CTDSPL2: variants seen among roughly 807,000 people sequenced by gnomAD.
CTDSPL2 encodes CTD small phosphatase like 2, also known as CTD small phosphatase-like protein 2.
A neutral mutation model predicts 60.0 loss-of-function variants in CTDSPL2; 5 were observed. That is an observed-to-expected ratio of 0.08 (90% CI 0.04 to 0.18). The LOEUF (loss-of-function observed/expected upper bound fraction) is 0.18, where lower values mean the gene tolerates loss of function less well. CTDSPL2 is among the 10% of genes least tolerant of loss of function. CTDSPL2 has a pLI of 1.00. For synonymous variants in CTDSPL2, 186 were observed against 189.3 expected, an observed-to-expected ratio of 0.98 and a Z score of 0.14; for missense variants, 370 against 548.8, an observed-to-expected ratio of 0.67 and a Z score of 3.26.
At chr15:44,471,156 G>C (rs1025636914) in intron 2 of CTDSPL2, among the ~76,000 whole-genome samples, 1 of 152,002 alleles carries the variant, frequency 6.6e-6, no homozygotes, top group Admixed American at 6.6e-5. Context: ...TTTCTTCCGC[G>C]TTACCACATG....
At chr15:44,486,153 G>A (rs2081114866) in intron 3 of CTDSPL2, among the ~76,000 whole-genome samples, 2 of 152,148 alleles carry the variant, frequency 1.3e-5, no homozygotes, top group African/African-American at 2.4e-5. Context: ...GCAGATGTGA[G>A]GGAAGGTTTT....
intron 2 of CTDSPL2, among the ~76,000 whole-genome samples, chr15:44,459,543 A>G (rs2080520957): frequency 1.3e-5 from 2 of 152,148 alleles, no homozygotes; most frequent in Non-Finnish European, 2.9e-5. Context: ...AATAGTGACA[A>G]TTATGATATT....
intron 1 of CTDSPL2, among the ~76,000 whole-genome samples, chr15:44,443,964 G>GCTC: frequency 6.6e-6 from 1 of 152,178 alleles, no homozygotes; most frequent in South Asian, 2.1e-4. Context: ...GTGTAGTGGT[G>GCTC]CACTTGTAGC....
chr15:44,489,137 C>G (rs1434906976), intron 4 of CTDSPL2, among the ~76,000 whole-genome samples: 2 of 150,052 alleles, frequency 1.3e-5, no homozygotes, highest in South Asian at 2.2e-4. Context: ...CTCTTCCCCC[C>G]TCCCCCCCAC....
intron 4 of CTDSPL2, among the ~76,000 whole-genome samples, chr15:44,488,958 T>G (rs777919298): frequency 3.4e-4 from 52 of 152,110 alleles, no homozygotes; most frequent in Non-Finnish European, 7.4e-5. Flanking sequence ...GAGTTGAAGT[T>G]TGATAGAGTT....
At chr15:44,489,355 G>A (rs1428010824) in intron 4 of CTDSPL2, among the ~76,000 whole-genome samples, 1 of 152,160 alleles carries the variant, frequency 6.6e-6, no homozygotes, top group Admixed American at 6.5e-5. Flanking sequence ...CAGTTTGACA[G>A]TGTATTTAAG....
At position 44,527,399 on chromosome 15, in the gene CTDSPL2, G is replaced by T. The variant is rs964569639; in HGVS notation, c.*3225G>T. 1.3e-5 allele frequency: 2 copies of T among 151,240 alleles called. No individual in the cohort carries two copies. The highest frequency in any genetic ancestry group is 3.0e-5 in the Non-Finnish European group (2 of 67,770). 9.4% of individuals were successfully genotyped at this position (151,240 alleles called of 1,614,324 possible). ...AAAGAAGTTCGTTTCTCATTGTTTTGTTCTGTCAACTTGCCTGAAAAACAG... is the reference window on the plus strand; with the variant it reads ...AAAGAAGTTCGTTTCTCATTGTTTTTTTCTGTCAACTTGCCTGAAAAACAG... On this transcript the variant is annotated 3_prime_UTR_variant, in exon 13 of 13. Coordinates refer to ENST00000260327, the MANE Select transcript of CTDSPL2 (RefSeq NM_016396.3).
At chr15:44,488,464 T>C (rs889297120) in intron 4 of CTDSPL2, among the ~76,000 whole-genome samples, 59 of 152,290 alleles carry the variant, frequency 3.9e-4, no homozygotes, top group African/African-American at 1.3e-3. Context: ...GGGAGATAGA[T>C]AATTGAGTGT....
Position 44,499,908 on chromosome 15 carries a change from G to A in CTDSPL2, c.969+95G>A, listed in dbSNP as rs1595762834. ...TTTTTGTGTGTATGTGACATTAAAT[G>A]TGTTTTTCTGTAGAAGTATAATGGA... is the stretch of plus-strand genomic sequence containing the variant. On this transcript the variant is annotated intron_variant, in intron 8 of 12. Transcript: ENST00000260327. The A allele has an allele frequency of 8.5e-5, 57 of 673,284 alleles. 2 individuals are homozygous for A. In the South Asian group the frequency reaches 9.3e-4, roughly 11 times the overall value. 41.7% of individuals were successfully genotyped at this position (673,284 alleles called of 1,614,324 possible). A position where few individuals can be genotyped will look rare whatever the true frequency, so the allele number is the denominator to read the frequency against.
At chr15:44,465,772 G>A (rs1191562286) in intron 2 of CTDSPL2, among the ~76,000 whole-genome samples, 2 of 145,514 alleles carry the variant, frequency 1.4e-5, no homozygotes, top group African/African-American at 2.6e-5. Context: ...GGAGTGCAGT[G>A]GTACAATCTG....
chr15:44,461,044 A>G (rs975320371), intron 2 of CTDSPL2, among the ~76,000 whole-genome samples: 8 of 152,200 alleles, frequency 5.3e-5, no homozygotes, highest in African/African-American at 1.7e-4. Flanking sequence ...TACATGTGCA[A>G]GTACAAACCT....
chr15:44,461,013 G>T (rs1181818503), intron 2 of CTDSPL2, among the ~76,000 whole-genome samples: 1 of 152,030 alleles, frequency 6.6e-6, no homozygotes, highest in African/African-American at 2.4e-5. Flanking sequence ...TTTTCCACTT[G>T]AAAACAGATC....
At chr15:44,459,748 GTTCTTTTACTTGAGTTGT>G (rs1459225277) in intron 2 of CTDSPL2, among the ~76,000 whole-genome samples, 2 of 152,020 alleles carry the variant, frequency 1.3e-5, no homozygotes, top group Non-Finnish European at 2.9e-5. Flanking sequence ...ATTTTTCCTT[GTTCTTTTACTTGAGTTGT>G]TTCTTTTACT....
At chr15:44,462,518 A>C (rs2080592832) in intron 2 of CTDSPL2, among the ~76,000 whole-genome samples, 1 of 149,604 alleles carries the variant, frequency 6.7e-6, no homozygotes, top group Non-Finnish European at 1.5e-5. Flanking sequence ...CACAATTCAC[A>C]CTAGAGTTCG....
chr15:44,461,484 G>A (rs2080568624), intron 2 of CTDSPL2, among the ~76,000 whole-genome samples: 1 of 151,056 alleles, frequency 6.6e-6, no homozygotes, highest in South Asian at 2.1e-4. Context: ...GAACTCCTGA[G>A]CTGAGTTGAT....
At chr15:44,438,263 CAAA>C (rs35595063) in intron 1 of CTDSPL2, among the ~76,000 whole-genome samples, 5 of 102,178 alleles carry the variant, frequency 4.9e-5, no homozygotes, top group African/African-American at 7.6e-5. Flanking sequence ...GACTCCGTCT[CAAA>C]AAAAAAAAAA....
At chr15:44,497,321 C>T (rs1417783843) in intron 7 of CTDSPL2, among the ~76,000 whole-genome samples, 183 bp downstream of exon 7, 1 of 152,090 alleles carries the variant, frequency 6.6e-6, no homozygotes, top group Non-Finnish European at 1.5e-5. Context: ...CTTATTTTTA[C>T]ATATATATTA....
At chr15:44,480,117 G>A (rs534632198) in intron 2 of CTDSPL2, among the ~76,000 whole-genome samples, 5 of 152,170 alleles carry the variant, frequency 3.3e-5, no homozygotes, top group East Asian at 3.9e-4. Flanking sequence ...CTAGAAGGGC[G>A]CCATAGTTGG....
At chr15:44,445,622 G>T (rs1430994236) in intron 1 of CTDSPL2, among the ~76,000 whole-genome samples, 1 of 151,614 alleles carries the variant, frequency 6.6e-6, no homozygotes, top group Non-Finnish European at 1.5e-5. Flanking sequence ...CAGCCAATTT[G>T]AAAACACAGC....
Sources: allele counts gnomAD v4.1 joint callset (sites outside exome capture counted in the v4.1 genomes callset), GRCh38; gene constraint gnomAD v4.1.1; transcripts MANE v1.5; gene names NCBI Gene and HGNC (gene_info 2026-07-23, HGNC 2026-07-21).